The following ZNF385D variants were observed in gnomAD, a reference collection of about 807,000 sequenced individuals.
ZNF385D encodes the protein zinc finger protein 659.
In ZNF385D, 15 loss-of-function variants were observed where a neutral mutation model predicts 35.8. That is an observed-to-expected ratio of 0.42 (90% CI 0.28 to 0.64). The LOEUF (loss-of-function observed/expected upper bound fraction) is 0.64. ZNF385D is among the 30% of genes least tolerant of loss of function. The pLI is 0.23. For synonymous variants in ZNF385D, 212 were observed against 186.8 expected (o/e 1.13, Z -1.10); for missense variants, 474 against 494.6 (o/e 0.96, Z 0.39).
At chr3:21,961,868 G>A (rs1216345604) in intron 3 of ZNF385D, among the ~76,000 whole-genome samples, 1 of 152,038 alleles carries the variant, frequency 6.6e-6, no homozygotes, top group African/African-American at 2.4e-5. Context: ...AGATAAAAAT[G>A]ACCATAGAGC....
At chr3:21,597,147 T>C (rs572042272) in intron 2 of ZNF385D, among the ~76,000 whole-genome samples, 9 of 152,290 alleles carry the variant, frequency 5.9e-5, no homozygotes, top group African/African-American at 1.9e-4. Flanking sequence ...TGAAGCTATG[T>C]TTTAATATAA....
intron 2 of ZNF385D, among the ~76,000 whole-genome samples, chr3:22,175,807 A>T (rs1694789655): frequency 6.6e-6 from 1 of 150,712 alleles, no homozygotes; most frequent in Non-Finnish European, 1.5e-5. Context: ...TTTGGAATAC[A>T]TATATATATA....
At chr3:22,294,718 A>G (rs1346407528) in intron 2 of ZNF385D, among the ~76,000 whole-genome samples, 2 of 152,120 alleles carry the variant, frequency 1.3e-5, no homozygotes, top group Non-Finnish European at 2.9e-5. Flanking sequence ...TGAATTGCAA[A>G]GAAAGAAAAC....
intron 3 of ZNF385D, among the ~76,000 whole-genome samples, chr3:21,907,939 T>A (rs950936689): frequency 1.3e-5 from 2 of 152,002 alleles, no homozygotes; most frequent in Non-Finnish European, 2.9e-5. Context: ...CCTTTTATCA[T>A]GGAAGGATAA....
chr3:21,972,824 A>G (rs545827472), intron 3 of ZNF385D, among the ~76,000 whole-genome samples: 3 of 151,974 alleles, frequency 2.0e-5, no homozygotes, highest in Non-Finnish European at 4.4e-5. Flanking sequence ...TGGAAAACGT[A>G]AAAGAATAAA....
At chr3:21,653,098 T>G (rs1338629930) in intron 2 of ZNF385D, among the ~76,000 whole-genome samples, 1 of 152,176 alleles carries the variant, frequency 6.6e-6, no homozygotes, top group Non-Finnish European at 1.5e-5. Context: ...GCTTTCTCTT[T>G]CTCACTGGCA....
chr3:22,254,468 G>A (rs181990867), intron 2 of ZNF385D, among the ~76,000 whole-genome samples: 1 of 151,828 alleles, frequency 6.6e-6, no homozygotes, highest in East Asian at 1.9e-4. Flanking sequence ...TATCTTCCAT[G>A]TGTTTATATC....
intron 3 of ZNF385D, among the ~76,000 whole-genome samples, chr3:21,914,408 CTCTT>C (rs1184680385): frequency 1.5e-4 from 20 of 134,656 alleles, no homozygotes; most frequent in African/African-American, 5.1e-4. Context: ...TTGGTCTTAT[CTCTT>C]TTTTTCAAAT....
At chr3:22,066,525 T>G (rs1330981404) in intron 3 of ZNF385D, among the ~76,000 whole-genome samples, 3 of 115,554 alleles carry the variant, frequency 2.6e-5, no homozygotes, top group Non-Finnish European at 1.7e-5. Context: ...CTGGGTGAGA[T>G]GGTTCCCTGT....
chr3:21,514,368 T>C (rs371208589), intron 3 of ZNF385D, among the ~76,000 whole-genome samples: 4 of 152,172 alleles, frequency 2.6e-5, no homozygotes, highest in African/African-American at 9.6e-5. Context: ...TCATAGTACA[T>C]ATGGACGTGA....
chr3:22,154,922 T>A (rs952997686), intron 3 of ZNF385D, among the ~76,000 whole-genome samples: 14 of 152,274 alleles, frequency 9.2e-5, no homozygotes, highest in African/African-American at 2.9e-4. Context: ...ATTATACAAA[T>A]TGATTGTAGT....
At chr3:21,828,402 A>G (rs185727474) in intron 3 of ZNF385D, among the ~76,000 whole-genome samples, 1 of 152,310 alleles carries the variant, frequency 6.6e-6, no homozygotes, top group South Asian at 2.1e-4. Context: ...GTTTTACTAC[A>G]TTTTGGTGCC....
chr3:21,438,605 A>G (rs6787456), intron 4 of ZNF385D, among the ~76,000 whole-genome samples: 50,479 of 151,804 alleles, frequency 0.33, 10,301 homozygotes, highest in African/African-American at 0.57. Context: ...AGAGAAATGA[A>G]TCCTTGTTGA....
At chr3:22,080,661 C>A (rs1022086611) in intron 3 of ZNF385D, among the ~76,000 whole-genome samples, 1 of 151,766 alleles carries the variant, frequency 6.6e-6, no homozygotes, top group Non-Finnish European at 1.5e-5. Flanking sequence ...CGATAAATAT[C>A]GCTATATTCT....
intron 1 of ZNF385D, among the ~76,000 whole-genome samples, chr3:21,696,512 A>G (rs908583805): frequency 3.3e-5 from 5 of 152,200 alleles, no homozygotes; most frequent in African/African-American, 1.2e-4. Flanking sequence ...TATGAGTGAA[A>G]CCCAGGCAGT....
chr3:21,490,067 CTATCAT>C (rs1705315392), intron 4 of ZNF385D, among the ~76,000 whole-genome samples: 1 of 152,158 alleles, frequency 6.6e-6, no homozygotes, highest in African/African-American at 2.4e-5. Context: ...CTTTCCTTAG[CTATCAT>C]TATCAACATG....
chr3:22,118,409 T>A (rs556166293), intron 3 of ZNF385D, among the ~76,000 whole-genome samples: 69 of 152,200 alleles, frequency 4.5e-4, no homozygotes, highest in African/African-American at 1.6e-3. Context: ...GCATGATGCT[T>A]AACATCTGAG....
intron 3 of ZNF385D, among the ~76,000 whole-genome samples, chr3:21,756,309 A>T (rs1376844379): frequency 3.9e-5 from 6 of 152,138 alleles, no homozygotes; most frequent in Non-Finnish European, 8.8e-5. Context: ...ATTTTTTTTA[A>T]AGTAGTGGAG....
intron 2 of ZNF385D, among the ~76,000 whole-genome samples, chr3:22,334,378 T>C (rs975775981): frequency 1.3e-5 from 2 of 152,164 alleles, no homozygotes; most frequent in African/African-American, 4.8e-5. Flanking sequence ...GGCTTTCTAA[T>C]ATGTTAGTTC....
Sources: allele counts gnomAD v4.1 joint callset (sites outside exome capture counted in the v4.1 genomes callset), GRCh38; gene constraint gnomAD v4.1.1; transcripts MANE v1.5; gene names NCBI Gene and HGNC (gene_info 2026-07-23, HGNC 2026-07-21).